Variants in NT5DC3 observed in about 807,000 individuals in gnomAD.
NT5DC3 encodes 5'-nucleotidase domain-containing protein 3.
Under a neutral mutation model 67.8 loss-of-function variants are expected in NT5DC3, and 42 were observed. That is an observed-to-expected ratio of 0.62 (90% confidence interval 0.48 to 0.80). The LOEUF is 0.80. Ranked by LOEUF, NT5DC3 falls within the 30% of genes least tolerant of loss-of-function variation. NT5DC3 has a pLI of 0.00. For missense variants in NT5DC3, 570 were observed against 696.4 expected (o/e 0.82, Z 2.04); for synonymous variants, 237 against 255.6 (o/e 0.93, Z 0.69).
the NT5DC3 span, among the ~76,000 whole-genome samples, chr12:103,753,965 G>C: frequency 2.6e-5 from 4 of 152,288 alleles, no homozygotes; most frequent in East Asian, 7.7e-4. Context: ...TCTTTGATCA[G>C]GTGCTGCTCT....
intron 4 of NT5DC3, among the ~76,000 whole-genome samples, chr12:103,804,744 G>A (rs1242786835): frequency 9.2e-5 from 14 of 152,116 alleles, no homozygotes; most frequent in African/African-American, 2.7e-4. Flanking sequence ...ATAATCGCAC[G>A]GCACTACCTG....
chr12:103,755,343 G>A, the NT5DC3 span: 4 of 1,614,046 alleles, frequency 2.5e-6, no homozygotes, highest in African/African-American at 2.7e-5. Flanking sequence ...TGGAGACCGG[G>A]CGGGTTGCCT....
intron 11 of NT5DC3, among the ~76,000 whole-genome samples, chr12:103,786,557 A>G (rs903277541): frequency 1.3e-5 from 2 of 152,300 alleles, no homozygotes; most frequent in Admixed American, 6.5e-5. Context: ...TTCAGGTTTT[A>G]AAAGAAGTGG....
the NT5DC3 span, chr12:103,755,304 C>T: frequency 6.2e-7 from 1 of 1,613,852 alleles, no homozygotes; most frequent in Non-Finnish European, 8.5e-7. Context: ...CCCTGCAGGC[C>T]AAGTACCACC....
intron 4 of NT5DC3, among the ~76,000 whole-genome samples, chr12:103,799,896 C>T (rs1049446513): frequency 4.6e-5 from 7 of 152,090 alleles, no homozygotes. Flanking sequence ...ACCTATTCAC[C>T]TGGACTCATC....
downstream of NT5DC3, chr12:103,766,447 G>A (rs1884972254): frequency 1.6e-6 from 2 of 1,254,454 alleles, no homozygotes; most frequent in African/African-American, 3.0e-5. Flanking sequence ...GCACTCAGAA[G>A]CCATACCTCA....
Position 103,815,079 on chromosome 12 carries a change from G to T in NT5DC3, c.251C>A (p.Ala84Asp), listed in dbSNP as rs371898205. The change falls in exon 2 of 14, where the codon GCC becomes GAC. Residue 84 changes from alanine (A) to aspartate (D), a missense_variant. This residue lies in a region of NT5DC3 where 466 missense variants were observed against 608.0 expected (regional missense o/e 0.77). Coordinates refer to ENST00000392876, the MANE Select transcript of NT5DC3 (RefSeq NM_001031701.3). ...SIMSNLLNPD[A>D]IFSNNEMSLS... The stretch of plus-strand genomic sequence containing the variant: ...GCTCATTTCATTGTTTGAGAAAATG[G>T]CATCTGGATTCAACAAGTTGCTCAT... 150 of 1,612,968 alleles carry T rather than the reference G, an allele frequency of 9.3e-5. No individual in the cohort carries two copies. The highest frequency in any genetic ancestry group is 1.2e-4 in the Non-Finnish European group (141 of 1,179,554).
downstream of NT5DC3, chr12:103,766,559 G>C (rs560477578): frequency 1.9e-6 from 1 of 533,492 alleles, no homozygotes; most frequent in Admixed American, 3.3e-5. Context: ...TTCTTCCTTT[G>C]TACTCTTCAG....
At chr12:103,831,963 G>A (rs1427392084) in intron 1 of NT5DC3, among the ~76,000 whole-genome samples, 1 of 151,794 alleles carries the variant, frequency 6.6e-6, no homozygotes, top group South Asian at 2.1e-4. Context: ...TTTTAGTAGA[G>A]ACAGGGTTTC....
downstream of NT5DC3, among the ~76,000 whole-genome samples, chr12:103,770,029 T>C (rs1273555219): frequency 6.6e-6 from 1 of 152,182 alleles, no homozygotes; most frequent in Non-Finnish European, 1.5e-5. Context: ...CACGAGGCAG[T>C]TTCTCTAAAT....
rs78162010 is a variant in NT5DC3 at position 103,799,208 on chromosome 12, G to C, written c.525-531C>G. 1.8e-3 allele frequency among the ~76,000 whole-genome samples: 270 copies of C among 152,290 alleles called. 7 individuals carry two copies. In the East Asian group the frequency reaches 0.047, roughly 26 times the overall value. On this transcript the variant is annotated intron_variant, in intron 4 of 13. Transcript: ENST00000392876. ...TAATACATTAGGGCAGAGAAAGATT[G>C]TTTTTGTCTCCATCAGACATCCTCC... is the stretch of plus-strand genomic sequence containing the variant.
At chr12:103,767,745 G>A (rs1318888424), downstream of NT5DC3, among the ~76,000 whole-genome samples, 1 of 151,856 alleles carries the variant, frequency 6.6e-6, no homozygotes, top group Non-Finnish European at 1.5e-5. Context: ...AAGGCAAAGG[G>A]AAACCTTGGC....
the NT5DC3 span, among the ~76,000 whole-genome samples, chr12:103,755,984 T>C: frequency 6.6e-6 from 1 of 152,220 alleles, no homozygotes; most frequent in East Asian, 1.9e-4. Context: ...GATCATTAAA[T>C]GAGTTAATAG....
the NT5DC3 span, among the ~76,000 whole-genome samples, chr12:103,763,024 C>T: frequency 6.6e-6 from 1 of 152,252 alleles, no homozygotes; most frequent in Admixed American, 6.5e-5. Context: ...TGGTGCAGAG[C>T]CCCCAAGCAG....
At position 103,814,982 on chromosome 12, in the gene NT5DC3, C is replaced by T. The variant is rs771532802; in HGVS notation, c.348G>A (p.Thr116=). Residue 116 remains threonine, a synonymous_variant, in exon 2 of 14, where the codon ACG becomes ACA. Transcript: ENST00000392876. ...TLVFYSKHLH[T]LIFNAARDLL... ...GGTCCCGTGCAGCATTAAATATCAG[C>T]GTGTGGAGGTGCTTTGAATAAAACA... The T allele has an allele frequency of 6.8e-6, 11 of 1,613,066 alleles. No homozygotes were observed. Among genetic ancestry groups the T allele is most frequent in the South Asian group, 1.1e-5 (1 of 90,840 alleles).
At chr12:103,806,176 C>G in intron 4 of NT5DC3, 146 bp downstream of exon 4, 1 of 648,402 alleles carries the variant, frequency 1.5e-6, no homozygotes, top group Non-Finnish European at 2.8e-6. Context: ...GGTAGCAGGC[C>G]TCAACAAATG....
intron 1 of NT5DC3, among the ~76,000 whole-genome samples, chr12:103,826,071 T>C (rs1052404537): frequency 6.6e-6 from 1 of 152,212 alleles, no homozygotes; most frequent in Non-Finnish European, 1.5e-5. Flanking sequence ...TGGCTCAAAG[T>C]AGGTGCTTCC....
the NT5DC3 span, among the ~76,000 whole-genome samples, chr12:103,760,134 TTC>T: frequency 3.9e-5 from 6 of 152,188 alleles, no homozygotes; most frequent in African/African-American, 1.4e-4. Context: ...AAGGGGCACT[TTC>T]TCATGGGAAA....
chr12:103,814,188 A>T (rs1887151559), intron 2 of NT5DC3, among the ~76,000 whole-genome samples: 2 of 152,216 alleles, frequency 1.3e-5, no homozygotes, highest in African/African-American at 4.8e-5. Flanking sequence ...GCTTGGCACA[A>T]GGAGGCTTAA....
Sources: gnomAD v4.1 joint callset for allele counts (sites outside exome capture counted in the v4.1 genomes callset) on GRCh38, gnomAD v4.1.1 for gene constraint, gnomAD v4.1.1 regional missense constraint, MANE v1.5 for transcripts, NCBI Gene and HGNC (gene_info 2026-07-23, HGNC 2026-07-21) for gene names.